The following NPHP3 variants were observed in gnomAD, a reference collection of about 807,000 sequenced individuals.
NPHP3 encodes the protein nephrocystin-3.
A neutral mutation model predicts 171.9 loss-of-function variants in NPHP3; 123 were observed. That is an observed-to-expected ratio of 0.72 (90% CI 0.62 to 0.83). The LOEUF is 0.83. Among genes scored for constraint, NPHP3 ranks in the 40% least tolerant of loss-of-function variants. The pLI is 0.00. For missense variants in NPHP3, 1,506 were observed against 1,591.9 expected (o/e 0.95, Z 0.92); for synonymous variants, 558 against 579.2 (o/e 0.96, Z 0.52).
chr3:132,704,265 T>A lies in NPHP3; in HGVS notation c.1457A>T (p.Asp486Val), dbSNP rs1553773832. 6 of 1,614,212 alleles carry A rather than the reference T, an allele frequency of 3.7e-6. No homozygotes were observed. The highest frequency in any genetic ancestry group is 5.1e-6 in the Non-Finnish European group (6 of 1,180,030). The change falls in exon 9 of 27, where the codon GAT (aspartate) becomes GTT (valine). Residue 486 changes from aspartate (D) to valine (V), a missense_variant. By Grantham distance (152) the Asp-to-Val change is radical. Transcript: ENST00000337331. Reference protein sequence around the residue: ...DFGDVLWDIHDEQEQMETFQQ... With the variant: ...DFGDVLWDIHVEQEQMETFQQ... Reference sequence around the variant, plus strand: ...AAAAGTTTCCATTTGCTCTTGTTCATCATGTATGTCCCACAGAACATCACC... The same window carrying A: ...AAAAGTTTCCATTTGCTCTTGTTCAACATGTATGTCCCACAGAACATCACC...
At chr3:132,704,053 G>A (rs1211997842) in intron 9 of NPHP3, 145 bp downstream of exon 9, 2 of 833,260 alleles carry the variant, frequency 2.4e-6, no homozygotes, top group East Asian at 5.2e-5. Context: ...ACAAACCTAA[G>A]CACATCTCAA....
In NPHP3 at chr3:132,681,948, G is replaced by T. The variant is rs757558681; in HGVS notation, c.3955C>A (p.His1319Asn). Residue 1319 changes from histidine to asparagine, a missense_variant, in exon 27 of 27, where the codon CAT becomes AAT. By Grantham distance (68) the His-to-Asn change is moderately conservative (BLOSUM62 1). Around this residue, in one of 3 missense-constraint regions of NPHP3, gnomAD observed 569 missense variants for 648.1 expected, o/e 0.88. Coordinates refer to ENST00000337331, the MANE Select transcript of NPHP3 (RefSeq NM_153240.5). ...TGCTGAAGGAAAACATTAGGAGAAT[G>T]AGCTGTTTTTAAGCTAAACGTGTCT... ...SGDTFSLKTA[H>N]SPNVFLQQGQ... 2 of 1,614,136 alleles carry T rather than the reference G, an allele frequency of 1.2e-6. No individual in the cohort carries two copies. Among genetic ancestry groups the T allele is most frequent in the East Asian group, 4.5e-5 (2 of 44,856 alleles).
At chr3:132,684,966 C>T (rs1939119478) in intron 23 of NPHP3, 172 bp from the exon 24 acceptor site, 1 of 715,336 alleles carries the variant, frequency 1.4e-6, no homozygotes, top group African/African-American at 1.8e-5. Context: ...TCTCTTCCTG[C>T]CCTTTTCCTG....
chr3:132,716,141 A>G (rs1314294783), intron 4 of NPHP3, among the ~76,000 whole-genome samples: 1 of 152,178 alleles, frequency 6.6e-6, no homozygotes, highest in Non-Finnish European at 1.5e-5. Context: ...TCTTCTTTCA[A>G]TGTGGGCCAG....
At chr3:132,685,833 C>CGA (rs1444264043) in intron 23 of NPHP3, 3 of 181,396 alleles carry the variant, frequency 1.7e-5, no homozygotes, top group Non-Finnish European at 3.5e-5. Context: ...GGGCAGATCA[C>CGA]GAGGTCAGGA....
chr3:132,688,228 A>G (rs552393502), intron 21 of NPHP3, among the ~76,000 whole-genome samples: 1 of 152,324 alleles, frequency 6.6e-6, no homozygotes, highest in Admixed American at 6.5e-5. Flanking sequence ...CTTTCAGGCT[A>G]TGTGTATAAG....
intron 9 of NPHP3, among the ~76,000 whole-genome samples, chr3:132,701,884 A>G (rs1177749025): frequency 3.9e-5 from 6 of 152,024 alleles, no homozygotes; most frequent in South Asian, 4.2e-4. Flanking sequence ...AAATTAGCCG[A>G]GCGTGGTGGC....
chr3:132,716,945 A>C, intron 3 of NPHP3, 36 bp from the exon 4 acceptor site: 1 of 1,609,276 alleles, frequency 6.2e-7, no homozygotes, highest in Non-Finnish European at 8.5e-7. Context: ...GTGAAAGCCA[A>C]CTTATTGAAT....
intron 24 of NPHP3, among the ~76,000 whole-genome samples, 180 bp from the exon 25 acceptor site, chr3:132,683,704 G>T (rs951279802): frequency 6.6e-6 from 1 of 152,134 alleles, no homozygotes; most frequent in Non-Finnish European, 1.5e-5. Flanking sequence ...AAGCTACACT[G>T]TATAGAAAAG....
Position 132,700,640 on chromosome 3 carries a change from T to C in NPHP3, c.1629-192A>G, listed in dbSNP as rs571960849. On this transcript the variant is annotated intron_variant, in intron 10 of 26. Transcript: ENST00000337331. ...TCCTTCTAAATAATCTTTTAAAAAA[T>C]TGTAGATTCATTTTAATTACAAATA... Among the ~76,000 whole-genome samples, 10 of 152,292 alleles carry C rather than the reference T, an allele frequency of 6.6e-5. No homozygotes were observed. In the South Asian group the frequency reaches 1.0e-3, roughly 16 times the overall value.
intron 6 of NPHP3, among the ~76,000 whole-genome samples, chr3:132,708,657 T>C (rs1939821986): frequency 6.6e-6 from 1 of 152,166 alleles, no homozygotes; most frequent in South Asian, 2.1e-4. Context: ...TTAACACAAG[T>C]AGGCAGGAGG....
Position 132,697,331 on chromosome 3 carries a change from T to A in NPHP3, c.2017A>T (p.Ser673Cys). The change falls in exon 14 of 27, where the codon AGT (serine) becomes TGT (cysteine). Residue 673 changes from serine (S) to cysteine (C), a missense_variant. This residue lies in a region of NPHP3 where 930 missense variants were observed against 924.9 expected (regional missense o/e 1.01). Transcript: ENST00000337331. ...ATAATAGATTTTGCATCTTTTGGAC[T>A]TAAGGGATCAAGATGAAGTGTAGGC... is the stretch of plus-strand genomic sequence containing the variant. ...LWPTLHLDPL[S>C]PKDAKSIIIA... 1.2e-6 allele frequency: 2 copies of A among 1,612,038 alleles called. No individual in the cohort carries two copies. The highest frequency in any genetic ancestry group is 2.2e-5 in the South Asian group (2 of 91,070).
rs767078828 is a variant in NPHP3 at position 132,689,046 on chromosome 3, T to C, written c.2883+28A>G. On this transcript the variant is annotated intron_variant, in intron 20 of 26. Transcript: ENST00000337331. ...TGAACACAAAAATCCCACCTGTCTC[T>C]GGCTTGCCATTGATCTGCTGAGCTT... The C allele has an allele frequency of 3.7e-6, 6 of 1,613,782 alleles. No individual in the cohort carries two copies. The Admixed American group carries it at 1.0e-4, about 27-fold the overall frequency.
In NPHP3 at chr3:132,708,256, G is replaced by C. The variant is rs759081440; in HGVS notation, c.1120C>G (p.Leu374Val). Residue 374 changes from leucine to valine, a missense_variant and splice_region_variant, in exon 7 of 27, where the codon CTT (leucine) becomes GTT (valine). Transcript: ENST00000337331. ...ILFIHLTLPSLLLEDCEEAFL... is the reference protein window; with the variant it reads ...ILFIHLTLPSVLLEDCEEAFL... ...GCTTCTTCACAGTCTTCCAATAAAA[G>C]GCTAGATTGGAAATCAGCATTTTGT... The C allele has an allele frequency of 1.9e-6, 3 of 1,613,610 alleles. No individual in the cohort carries two copies. The highest frequency in any genetic ancestry group is 1.7e-4 in the Middle Eastern group (1 of 5,950).
At position 132,722,368 on chromosome 3, in the gene NPHP3, C is replaced by A. The variant is rs988027514; in HGVS notation, c.-13G>T. The A allele has an allele frequency of 6.3e-7, 1 of 1,575,382 alleles. No homozygotes were observed. The highest frequency in any genetic ancestry group is 8.5e-7 in the Non-Finnish European group (1 of 1,170,420). The stretch of plus-strand genomic sequence containing the variant: ...AGGCGGTCCCCATGGCGTCCGTTGC[C>A]GCTACTACCTAGTGAGTACCAGCAG... On this transcript the variant is annotated 5_prime_UTR_variant, in exon 1 of 27. Transcript: ENST00000337331.
intron 7 of NPHP3, among the ~76,000 whole-genome samples, chr3:132,707,404 G>A (rs3901917): frequency 0.039 from 5,993 of 152,068 alleles, 232 homozygotes; most frequent in African/African-American, 0.095. Flanking sequence ...CCAGGAGTTT[G>A]AGGCTTCAGT....
intron 26 of NPHP3, chr3:132,682,461 T>A: frequency 1.8e-6 from 1 of 569,076 alleles, no homozygotes; most frequent in Non-Finnish European, 3.1e-6. Context: ...CAGAGCCAGA[T>A]GTAGTATAAA....
At chr3:132,714,501 C>T (rs1939994194) in intron 5 of NPHP3, among the ~76,000 whole-genome samples, 1 of 149,050 alleles carries the variant, frequency 6.7e-6, no homozygotes, top group Non-Finnish European at 1.5e-5. Context: ...GGAGAATATG[C>T]AATGAAAAAT....
chr3:132,719,896 A>G (rs892253379), intron 1 of NPHP3, 66 bp from the exon 2 acceptor site: 6 of 618,944 alleles, frequency 9.7e-6, no homozygotes, highest in South Asian at 6.9e-5. Flanking sequence ...ACATTCTTAT[A>G]TATATACATA....
Sources: gnomAD v4.1 joint callset for allele counts (sites outside exome capture counted in the v4.1 genomes callset) on GRCh38, gnomAD v4.1.1 for gene constraint, gnomAD v4.1.1 regional missense constraint, MANE v1.5 for transcripts, NCBI Gene and HGNC (gene_info 2026-07-23, HGNC 2026-07-21) for gene names.